The following EFHD1 variants were observed in gnomAD, a reference collection of about 807,000 sequenced individuals.
EFHD1 encodes the protein EF-hand domain family member D1, also known as EF-hand domain-containing protein D1.
A neutral mutation model predicts 17.2 loss-of-function variants in EFHD1; 10 were observed. The ratio of observed to expected loss-of-function variants is 0.58; its 90% confidence interval spans 0.36 to 0.99. The LOEUF is 0.99. EFHD1 is among the 50% of genes least tolerant of loss of function. The pLI is 0.01. For synonymous variants in EFHD1, 153 were observed against 142.0 expected (o/e 1.08, Z -0.55); for missense variants, 310 against 327.5 (o/e 0.95, Z 0.41).
chr2:232,634,137 G>C, intron 1 of EFHD1, 131 bp downstream of exon 1: 1 of 1,448,338 alleles, frequency 6.9e-7, no homozygotes, highest in South Asian at 1.4e-5. Context: ...GCCCAACGCA[G>C]CCAGATCTTG....
Position 232,660,436 on chromosome 2 carries a change from G to A in EFHD1, c.303-2366G>A, listed in dbSNP as rs975917042. On this transcript the variant is annotated intron_variant, in intron 1 of 3. Coordinates refer to ENST00000264059, the MANE Select transcript of EFHD1 (RefSeq NM_025202.4). Reference sequence around the variant, plus strand: ...GTCTCGATCTTGTTCTCCTGACCTCGTGATCCACCCGCCTTGGCCTCCCAA... The same window carrying A: ...GTCTCGATCTTGTTCTCCTGACCTCATGATCCACCCGCCTTGGCCTCCCAA... 4.6e-5 allele frequency among the ~76,000 whole-genome samples: 7 copies of A among 151,636 alleles called. No homozygotes were observed. The South Asian group carries it at 1.2e-3, about 27-fold the overall frequency.
intron 1 of EFHD1, among the ~76,000 whole-genome samples, chr2:232,622,977 C>T (rs1392984536): frequency 6.6e-6 from 1 of 152,106 alleles, no homozygotes; most frequent in African/African-American, 2.4e-5. Flanking sequence ...ATTAATTTCA[C>T]CTGTTTTATT....
intron 2 of EFHD1, among the ~76,000 whole-genome samples, chr2:232,665,976 C>G (rs1169183122): frequency 2.0e-5 from 3 of 152,210 alleles, no homozygotes; most frequent in Non-Finnish European, 4.4e-5. Flanking sequence ...CATGAGCCCC[C>G]ACACCCAACT....
chr2:232,647,825 C>T (rs1289671174), intron 1 of EFHD1, among the ~76,000 whole-genome samples: 1 of 151,986 alleles, frequency 6.6e-6, no homozygotes, highest in Non-Finnish European at 1.5e-5. Flanking sequence ...TTAGTAGAAA[C>T]GGGGTTTCAC....
chr2:232,613,825 C>A (rs199907098), intron 1 of EFHD1, among the ~76,000 whole-genome samples: 2 of 148,736 alleles, frequency 1.3e-5, no homozygotes, highest in Non-Finnish European at 3.0e-5. Context: ...TATACACACA[C>A]AAATATACAC....
upstream of EFHD1, among the ~76,000 whole-genome samples, chr2:232,629,456 A>G (rs942843564): frequency 1.3e-5 from 2 of 152,202 alleles, no homozygotes; most frequent in Admixed American, 1.3e-4. Context: ...GGAAATTCAG[A>G]AAAATGAGAT....
intron 3 of EFHD1, among the ~76,000 whole-genome samples, chr2:232,675,271 A>G (rs2106218993): frequency 6.6e-6 from 1 of 150,790 alleles, no homozygotes; most frequent in East Asian, 1.9e-4. Context: ...AAAAGAAAAG[A>G]AAGAAAGAAT....
intron 3 of EFHD1, among the ~76,000 whole-genome samples, chr2:232,674,770 ATGTTCCAAGATGAATGGGGATTCACCT>A (rs1695140002): frequency 6.6e-6 from 1 of 152,128 alleles, no homozygotes; most frequent in African/African-American, 2.4e-5. Flanking sequence ...TTTGTGACAG[ATGTTCCAAGATGAATGGGGATTCACCT>A]TGTAATCAAG....
chr2:232,680,376 C>CTGATA (rs60519048), intron 3 of EFHD1, among the ~76,000 whole-genome samples: 109,945 of 151,288 alleles, frequency 0.73, 40,242 homozygotes, highest in East Asian at 0.94. Context: ...ATGGGTTTAT[C>CTGATA]TGATATTATT....
intron 2 of EFHD1, among the ~76,000 whole-genome samples, chr2:232,666,108 T>C (rs949622032): frequency 6.6e-6 from 1 of 152,244 alleles, no homozygotes; most frequent in African/African-American, 2.4e-5. Context: ...CATGATGAAC[T>C]GGGCTTGTCC....
intron 2 of EFHD1, 82 bp from the exon 3 acceptor site, chr2:232,672,227 G>A: frequency 6.3e-7 from 1 of 1,579,308 alleles, no homozygotes; most frequent in Admixed American, 1.7e-5. Context: ...GATTGGCAGA[G>A]TGACTTCAGC....
chr2:232,608,319 A>G (rs1430180643), intron 1 of EFHD1, among the ~76,000 whole-genome samples: 1 of 151,972 alleles, frequency 6.6e-6, no homozygotes, highest in Non-Finnish European at 1.5e-5. Context: ...GCAGTGAGTC[A>G]AGATTGGGTC....
At chr2:232,627,358 G>C (rs928411622) in intron 1 of EFHD1, among the ~76,000 whole-genome samples, 9 of 151,870 alleles carry the variant, frequency 5.9e-5, no homozygotes, top group East Asian at 1.9e-4. Context: ...AAATGTGCAA[G>C]ACAGAGCAAC....
In EFHD1 at chr2:232,619,071, C is replaced by A. The variant is rs189241110; in HGVS notation, c.14+12898C>A. ...GGCCGAGGCAGGAGAATCGCTTGAA[C>A]CTGGGAGGCAGGCAGAATTTGCAGT... On this transcript the variant is annotated intron_variant, in intron 1 of 3. Coordinates refer to the EFHD1 transcript ENST00000409613. Among the ~76,000 whole-genome samples, 281 of 151,848 alleles carry A rather than the reference C, an allele frequency of 1.9e-3. 1 individual carries two copies. Among genetic ancestry groups the A allele is most frequent in the African/African-American group, 5.6e-3 (233 of 41,448 alleles).
Position 232,633,781 on chromosome 2 carries a change from T to G in EFHD1, c.77T>G (p.Leu26Arg). The G allele has an allele frequency of 6.8e-7, 1 of 1,460,278 alleles. No homozygotes were observed. Among genetic ancestry groups the G allele is most frequent in the Non-Finnish European group, 9.0e-7 (1 of 1,114,318 alleles). The allele number at this position is 1,460,278 out of a possible 1,614,324, so 90.5% of individuals were successfully genotyped here. ...GAGGCCGAGGAGAGTGGCCCCCAGCTGGCTCCCCTCGGCGCCCCAGCCCCG... is the reference window on the plus strand; with the variant it reads ...GAGGCCGAGGAGAGTGGCCCCCAGCGGGCTCCCCTCGGCGCCCCAGCCCCG... ...REEAEESGPQ[L>R]APLGAPAPEP... Residue 26 changes from leucine to arginine, a missense_variant, in exon 1 of 4, where the codon CTG (leucine) becomes CGG (arginine). Coordinates refer to ENST00000264059, the MANE Select transcript of EFHD1 (RefSeq NM_025202.4).
intron 1 of EFHD1, among the ~76,000 whole-genome samples, chr2:232,622,069 G>A (rs58808550): frequency 0.23 from 35,499 of 152,156 alleles, 4,670 homozygotes; most frequent in East Asian, 0.58. Flanking sequence ...TGCCTAGCAC[G>A]AGGCAAACCT....
intron 1 of EFHD1, among the ~76,000 whole-genome samples, chr2:232,609,149 T>C (rs1693770067): frequency 7.3e-6 from 1 of 136,768 alleles, no homozygotes; most frequent in Non-Finnish European, 1.5e-5. Context: ...ACCCTCTGCC[T>C]CCTGGGTTCA....
chr2:232,624,302 C>T (rs1694071467), intron 1 of EFHD1, among the ~76,000 whole-genome samples: 1 of 152,206 alleles, frequency 6.6e-6, no homozygotes, highest in Non-Finnish European at 1.5e-5. Context: ...TCCCCCAGCC[C>T]CAGCTTGCCC....
rs530991012 is a variant in EFHD1, at chr2:232,675,861, T to G, written c.585+3418T>G. On this transcript the variant is annotated intron_variant, in intron 3 of 3. Coordinates refer to ENST00000264059, the MANE Select transcript of EFHD1 (RefSeq NM_025202.4). ...GCCATGAGGTTTGTAAGGAGGGGAG[T>G]TGATGATATTTTTCATCAAGACCAG... Among the ~76,000 whole-genome samples the G allele has an allele frequency of 7.3e-5, 11 of 150,672 alleles. No individual in the cohort carries two copies. In the South Asian group the frequency reaches 2.3e-3, roughly 32 times the overall value.
Sources: allele counts gnomAD v4.1 joint callset (sites outside exome capture counted in the v4.1 genomes callset), GRCh38; gene constraint gnomAD v4.1.1; transcripts MANE v1.5; gene names NCBI Gene and HGNC (gene_info 2026-07-23, HGNC 2026-07-21).